The following AGMO variants were observed in gnomAD, a reference collection of about 807,000 sequenced individuals.
AGMO encodes the protein alkylglycerol monooxygenase, also known as glyceryl-ether monooxygenase.
A neutral mutation model predicts 60.2 loss-of-function variants in AGMO; 75 were observed. That is an observed-to-expected ratio of 1.25 (90% CI 1.03 to 1.51). The LOEUF (loss-of-function observed/expected upper bound fraction) is 1.51. Among genes scored for constraint, AGMO ranks in the 40% most tolerant of loss-of-function variants. The pLI is 0.00. For synonymous variants in AGMO, 261 were observed against 177.1 expected (o/e 1.47, Z -3.76); for missense variants, 763 against 525.5 (o/e 1.45, Z -4.42).
At chr7:15,429,788 A>G (rs764616060) in intron 4 of AGMO, among the ~76,000 whole-genome samples, 15 of 152,018 alleles carry the variant, frequency 9.9e-5, no homozygotes, top group Non-Finnish European at 1.9e-4. Context: ...CTTATAAAAC[A>G]TCTGGTTTCA....
the AGMO span, among the ~76,000 whole-genome samples, chr7:15,170,609 A>G: frequency 4.6e-5 from 7 of 151,926 alleles, no homozygotes; most frequent in African/African-American, 1.4e-4. Flanking sequence ...ATTTGTAAAG[A>G]TAGTATAGAG....
At chr7:15,338,849 A>G (rs1337413645) in intron 12 of AGMO, among the ~76,000 whole-genome samples, 1 of 152,116 alleles carries the variant, frequency 6.6e-6, no homozygotes, top group African/African-American at 2.4e-5. Context: ...CAAAATAAAA[A>G]CTACCCAGTG....
intron 12 of AGMO, among the ~76,000 whole-genome samples, chr7:15,218,506 G>A (rs751835682): frequency 6.6e-5 from 10 of 151,800 alleles, no homozygotes; most frequent in Non-Finnish European, 1.2e-4. Context: ...TGTGGTTGAA[G>A]GGAGTGGGCT....
At chr7:15,466,605 T>A (rs995962389) in intron 3 of AGMO, among the ~76,000 whole-genome samples, 8 of 152,164 alleles carry the variant, frequency 5.3e-5, no homozygotes, top group African/African-American at 1.7e-4. Context: ...AGGGCTAAAC[T>A]ACCTAGGTTT....
the AGMO span, among the ~76,000 whole-genome samples, chr7:15,123,635 T>A: frequency 6.6e-6 from 1 of 152,096 alleles, no homozygotes; most frequent in Non-Finnish European, 1.5e-5. Flanking sequence ...CTTCAAGACC[T>A]GCTAATCTCT....
At chr7:15,137,324 T>C in the AGMO span, among the ~76,000 whole-genome samples, 6 of 152,356 alleles carry the variant, frequency 3.9e-5, no homozygotes, top group Non-Finnish European at 7.3e-5. Flanking sequence ...TCCTGGATAC[T>C]TTTTATCTGA....
chr7:15,528,152 T>G (rs1158087181), intron 3 of AGMO, among the ~76,000 whole-genome samples: 2 of 152,168 alleles, frequency 1.3e-5, no homozygotes, highest in South Asian at 2.1e-4. Flanking sequence ...ATTCATCTGA[T>G]GGATGGATAT....
At chr7:15,271,900 T>C (rs767954115) in intron 12 of AGMO, among the ~76,000 whole-genome samples, 11 of 152,138 alleles carry the variant, frequency 7.2e-5, no homozygotes, top group Non-Finnish European at 1.2e-4. Context: ...TATTGAATGC[T>C]TTTTCTACAT....
chr7:15,220,070 A>C (rs116518145), intron 12 of AGMO, among the ~76,000 whole-genome samples: 1 of 152,106 alleles, frequency 6.6e-6, no homozygotes, highest in Non-Finnish European at 1.5e-5. Context: ...GGAATCTTCT[A>C]TGATGTCCAT....
At chr7:15,339,266 G>C (rs1215547183) in intron 12 of AGMO, among the ~76,000 whole-genome samples, 2 of 152,142 alleles carry the variant, frequency 1.3e-5, no homozygotes, top group African/African-American at 2.4e-5. Context: ...ACCACACAAA[G>C]CCCTGACATG....
the AGMO span, among the ~76,000 whole-genome samples, chr7:15,158,707 T>C: frequency 6.6e-6 from 1 of 152,192 alleles, no homozygotes; most frequent in Non-Finnish European, 1.5e-5. Context: ...GTTGTGCTTA[T>C]AAAGCCCCAG....
chr7:15,429,507 C>T (rs889787550), intron 4 of AGMO, among the ~76,000 whole-genome samples: 5 of 152,140 alleles, frequency 3.3e-5, no homozygotes, highest in Admixed American at 1.3e-4. Flanking sequence ...ATTGCCCTGG[C>T]AGTACCTTGA....
the AGMO span, among the ~76,000 whole-genome samples, chr7:15,130,686 G>T: frequency 1.3e-5 from 2 of 151,780 alleles, no homozygotes; most frequent in Non-Finnish European, 2.9e-5. Flanking sequence ...TTTGCTATTG[G>T]TTTTATAGTG....
intron 12 of AGMO, among the ~76,000 whole-genome samples, chr7:15,361,338 GA>G (rs996533361): frequency 1.7e-4 from 25 of 151,150 alleles, no homozygotes; most frequent in African/African-American, 6.1e-4. Flanking sequence ...AGGAGATTGA[GA>G]CCATCCTGGC....
chr7:15,393,467 A>G (rs1784232816), intron 6 of AGMO, among the ~76,000 whole-genome samples: 1 of 152,226 alleles, frequency 6.6e-6, no homozygotes, highest in African/African-American at 2.4e-5. Flanking sequence ...AGATTTATCT[A>G]TTCTACTGCT....
the AGMO span, among the ~76,000 whole-genome samples, chr7:15,118,440 T>C: frequency 6.6e-6 from 1 of 151,918 alleles, no homozygotes; most frequent in African/African-American, 2.4e-5. Context: ...AGACAGAGAG[T>C]TGTCACTATT....
intron 12 of AGMO, among the ~76,000 whole-genome samples, chr7:15,264,654 C>T (rs1302086581): frequency 6.6e-6 from 1 of 151,988 alleles, no homozygotes; most frequent in African/African-American, 2.4e-5. Context: ...AGAAGGCATA[C>T]AAGCATTCAA....
chr7:15,397,549 T>C (rs1019087026), intron 5 of AGMO, among the ~76,000 whole-genome samples: 1 of 152,214 alleles, frequency 6.6e-6, no homozygotes, highest in Non-Finnish European at 1.5e-5. Flanking sequence ...GCTAGCACGT[T>C]GTTACCTCTC....
chr7:15,533,637 G>A (rs1397807539), intron 3 of AGMO, among the ~76,000 whole-genome samples: 1 of 151,922 alleles, frequency 6.6e-6, no homozygotes, highest in Non-Finnish European at 1.5e-5. Flanking sequence ...CACCATGGTG[G>A]GAGCCATCAG....
Sources: gnomAD v4.1 joint callset for allele counts (sites outside exome capture counted in the v4.1 genomes callset) on GRCh38, gnomAD v4.1.1 for gene constraint, MANE v1.5 for transcripts, NCBI Gene and HGNC (gene_info 2026-07-23, HGNC 2026-07-21) for gene names.